DNM3: variants seen among roughly 807,000 people sequenced by gnomAD.
The protein encoded by DNM3 is dynamin-3.
A neutral mutation model predicts 101.6 loss-of-function variants in DNM3; 47 were observed. The observed-to-expected ratio is 0.46, with a 90% CI of 0.37 to 0.59. DNM3 has a LOEUF of 0.59. DNM3 is among the 20% of genes least tolerant of loss of function. The probability of loss-of-function intolerance (pLI) is 0.00; values close to 1 mark genes in which losing one functional copy is unlikely to be tolerated. For missense variants in DNM3, 849 were observed against 1,085.7 expected (o/e 0.78, Z 3.06); for synonymous variants, 385 against 387.9 (o/e 0.99, Z 0.09).
intron 1 of DNM3, among the ~76,000 whole-genome samples, chr1:171,885,771 C>G (rs1258363780): frequency 6.6e-6 from 1 of 152,080 alleles, no homozygotes; most frequent in Non-Finnish European, 1.5e-5. Flanking sequence ...TGTGTGGGCT[C>G]CTTTGCTTTT....
intron 2 of DNM3, among the ~76,000 whole-genome samples, chr1:171,937,858 C>T (rs1212617943): frequency 6.6e-6 from 1 of 150,498 alleles, no homozygotes; most frequent in Non-Finnish European, 1.5e-5. Flanking sequence ...TTTTGGATTA[C>T]AGGTATGAGC....
chr1:172,163,964 C>G (rs1352588408), intron 14 of DNM3, among the ~76,000 whole-genome samples: 1 of 86,132 alleles, frequency 1.2e-5, no homozygotes, highest in Non-Finnish European at 3.2e-5. Context: ...TATACACACA[C>G]ACACACACAC....
At chr1:171,996,675 T>C (rs2046016680) in intron 4 of DNM3, among the ~76,000 whole-genome samples, 1 of 152,118 alleles carries the variant, frequency 6.6e-6, no homozygotes, top group Non-Finnish European at 1.5e-5. Context: ...TAAAATGAAA[T>C]GAAATTATCA....
chr1:172,279,031 T>G (rs534952516), intron 15 of DNM3, among the ~76,000 whole-genome samples: 1 of 152,114 alleles, frequency 6.6e-6, no homozygotes, highest in Non-Finnish European at 1.5e-5. Flanking sequence ...TGTATGTCAT[T>G]TTTCTCCCTT....
intron 16 of DNM3, among the ~76,000 whole-genome samples, chr1:172,321,737 T>C (rs2065727752): frequency 6.6e-6 from 1 of 152,176 alleles, no homozygotes; most frequent in South Asian, 2.1e-4. Context: ...CTGAAACTTA[T>C]TTGGTAGATC....
chr1:172,386,096 G>C (rs1299340156), intron 18 of DNM3, among the ~76,000 whole-genome samples: 3 of 152,154 alleles, frequency 2.0e-5, no homozygotes, highest in Admixed American at 2.0e-4. Context: ...TGTTTCTTCA[G>C]TGTGTGATAA....
chr1:172,410,919 G>A lies in DNM3; in HGVS notation c.*3078G>A. The A allele has an allele frequency of 1.0e-6, 1 of 985,134 alleles. No homozygotes were observed. The highest frequency in any genetic ancestry group is 1.2e-6 in the Non-Finnish European group (1 of 829,776). The allele number at this position is 985,134 out of a possible 1,614,324, so 61.0% of individuals were successfully genotyped here. Reference sequence around the variant, plus strand: ...TGTGATAAATGTTGATGTTTTCTGTGTACAAACACATTTTCTATGCATGTG... The same window carrying A: ...TGTGATAAATGTTGATGTTTTCTGTATACAAACACATTTTCTATGCATGTG... On this transcript the variant is annotated 3_prime_UTR_variant, in exon 21 of 21. Coordinates refer to ENST00000627582, the MANE Select transcript of DNM3 (RefSeq NM_015569.5).
intron 13 of DNM3, among the ~76,000 whole-genome samples, chr1:172,106,847 CTTT>C (rs1165611083): frequency 2.9e-5 from 2 of 67,960 alleles, no homozygotes; most frequent in East Asian, 5.2e-4. Context: ...TAACATTATT[CTTT>C]TTTTTTTTTT....
intron 14 of DNM3, among the ~76,000 whole-genome samples, chr1:172,187,768 T>G (rs2059576301): frequency 6.6e-6 from 1 of 152,068 alleles, no homozygotes; most frequent in Admixed American, 6.6e-5. Context: ...TTTTCTCCTT[T>G]CCTATTTTTC....
At chr1:172,203,842 G>T (rs2060236127) in intron 14 of DNM3, among the ~76,000 whole-genome samples, 3 of 152,164 alleles carry the variant, frequency 2.0e-5, no homozygotes, top group African/African-American at 7.2e-5. Context: ...AAGTTTGATG[G>T]TTAAATTGGT....
chr1:172,284,368 A>G (rs1162609026), intron 15 of DNM3, among the ~76,000 whole-genome samples: 1 of 152,118 alleles, frequency 6.6e-6, no homozygotes, highest in Non-Finnish European at 1.5e-5. Flanking sequence ...TGTCATTGGG[A>G]TATTGAGATT....
chr1:172,030,929 T>C (rs764620822), intron 4 of DNM3, among the ~76,000 whole-genome samples: 1 of 152,086 alleles, frequency 6.6e-6, no homozygotes, highest in Non-Finnish European at 1.5e-5. Context: ...TGTGGAGAAA[T>C]AGGAATGCTT....
intron 1 of DNM3, among the ~76,000 whole-genome samples, chr1:171,850,050 C>A (rs79911617): frequency 0.012 from 1,901 of 152,130 alleles, 45 homozygotes; most frequent in African/African-American, 0.043. Context: ...AAATTGCAGG[C>A]AAAGATGGTG....
intron 15 of DNM3, among the ~76,000 whole-genome samples, chr1:172,300,840 A>G (rs1423279874): frequency 6.6e-6 from 1 of 152,260 alleles, no homozygotes; most frequent in African/African-American, 2.4e-5. Flanking sequence ...AAAATGGAAG[A>G]CAGGTGATAA....
chr1:172,031,609 A>G (rs996050128), intron 4 of DNM3, among the ~76,000 whole-genome samples: 1 of 152,186 alleles, frequency 6.6e-6, no homozygotes, highest in African/African-American at 2.4e-5. Flanking sequence ...AATACTGTCC[A>G]TTTCATCTAA....
At chr1:172,329,982 T>C (rs1488489256) in intron 17 of DNM3, among the ~76,000 whole-genome samples, 2 of 152,154 alleles carry the variant, frequency 1.3e-5, no homozygotes, top group Non-Finnish European at 2.9e-5. Context: ...AAGAAGGTCG[T>C]GTGATAGGTG....
intron 2 of DNM3, chr1:171,987,386 A>G (rs766207215): frequency 9.6e-5 from 86 of 894,898 alleles, no homozygotes; most frequent in Non-Finnish European, 1.1e-4. Context: ...TTTTCTTTAA[A>G]TTATTTAATA....
chr1:172,235,025 C>T (rs1481390794), intron 14 of DNM3, among the ~76,000 whole-genome samples: 4 of 152,066 alleles, frequency 2.6e-5, no homozygotes, highest in African/African-American at 7.2e-5. Context: ...TAAAGAGCTT[C>T]TGCACAGCAA....
chr1:172,418,045 C>T (rs1276007590), intron 20 of DNM3, among the ~76,000 whole-genome samples: 1 of 152,170 alleles, frequency 6.6e-6, no homozygotes, highest in African/African-American at 2.4e-5. Context: ...TGGCTCATAC[C>T]TAGAACATTG....
Sources: allele counts gnomAD v4.1 joint callset (sites outside exome capture counted in the v4.1 genomes callset), GRCh38; gene constraint gnomAD v4.1.1; transcripts MANE v1.5; gene names NCBI Gene and HGNC (gene_info 2026-07-23, HGNC 2026-07-21).